The following CCNQ variants were observed in gnomAD, a reference collection of about 807,000 sequenced individuals.
The protein encoded by CCNQ is cyclin-Q.
In CCNQ, 3 loss-of-function variants were observed where a neutral mutation model predicts 17.7. The ratio of observed to expected loss-of-function variants is 0.17; its 90% CI spans 0.08 to 0.44. The LOEUF is 0.44. Among genes scored for constraint, CCNQ ranks in the 20% least tolerant of loss-of-function variants. The pLI is 0.99. For missense variants in CCNQ, 146 were observed against 222.6 expected (o/e 0.66, Z 2.19); for synonymous variants, 73 against 96.0 (o/e 0.76, Z 1.40).
chrX:153,594,461 G>A (rs2091013374), intron 3 of CCNQ, 86 bp downstream of exon 3: 9 of 1,091,826 alleles, frequency 8.2e-6, no homozygotes, highest in South Asian at 3.7e-5. Context: ...GTGCTCTCGA[G>A]TATGAGATGG....
rs782110773 is a variant in CCNQ at position 153,588,329 on chromosome X, C to A, written c.*36G>T. 5.3e-5 allele frequency: 60 copies of A among 1,138,508 alleles called. No homozygotes were observed. The highest frequency in any genetic ancestry group is 8.7e-5 in the Admixed American group (4 of 45,957). The allele number at this position is 1,138,508 out of a possible 1,213,427, so 93.8% of individuals were successfully genotyped here. On this transcript the variant is annotated 3_prime_UTR_variant, in exon 5 of 5. Transcript: ENST00000576892. Reference sequence around the variant, plus strand: ...ACAATGTCCCCAGGCAGCCGACCATCCTGGGCTTCTCTTTGGGCAGGCCTG... The same window carrying A: ...ACAATGTCCCCAGGCAGCCGACCATACTGGGCTTCTCTTTGGGCAGGCCTG...
rs1187785438 is a variant in CCNQ, at chrX:153,599,090, G to T, written c.-17C>A. On this transcript the variant is annotated 5_prime_UTR_variant, in exon 1 of 5. Transcript: ENST00000576892. Reference sequence around the variant, plus strand: ...GGCTTCCATGAGGCGCCGCGGCACCGGCGGAAGGAGAGGCGGCCCCGGCGC... The same window carrying T: ...GGCTTCCATGAGGCGCCGCGGCACCTGCGGAAGGAGAGGCGGCCCCGGCGC... The T allele has an allele frequency of 1.9e-5, 17 of 916,160 alleles. No individual in the cohort carries two copies. Among genetic ancestry groups the T allele is most frequent in the African/African-American group, 2.1e-5 (1 of 47,450 alleles). The allele number at this position is 916,160 out of a possible 1,213,427, so 75.5% of individuals were successfully genotyped here.
At chrX:153,594,109 T>C (rs1263713707) in intron 3 of CCNQ, among the ~76,000 whole-genome samples, 2 of 112,969 alleles carry the variant, frequency 1.8e-5, no homozygotes, top group East Asian at 5.6e-4. Context: ...CTCAAGCGAT[T>C]TGGCTTTCCC....
Position 153,599,139 on chromosome X carries a change from T to C in CCNQ, c.-66A>G. The C allele has an allele frequency of 1.9e-6, 1 of 531,610 alleles. No individual in the cohort carries two copies. Among genetic ancestry groups the C allele is most frequent in the Non-Finnish European group, 2.3e-6 (1 of 426,749 alleles). 43.8% of individuals were successfully genotyped at this position (531,610 alleles called of 1,213,427 possible). A position where few individuals can be genotyped will look rare whatever the true frequency, so the allele number is the denominator to read the frequency against. ...GCGCAGAAGCCGGCAGAACTGGAGG[T>C]GCTCGCGGCGGGCGCTGCCGCCCCA... is the stretch of plus-strand genomic sequence containing the variant. On this transcript the variant is annotated 5_prime_UTR_variant, in exon 1 of 5. Transcript: ENST00000576892.
At chrX:153,594,462 T>C in intron 3 of CCNQ, 85 bp downstream of exon 3, 1 of 1,093,462 alleles carries the variant, frequency 9.1e-7, no homozygotes, top group Non-Finnish European at 1.3e-6. Context: ...TGCTCTCGAG[T>C]ATGAGATGGG....
At chrX:153,591,605 C>G (rs371990262) in intron 4 of CCNQ, among the ~76,000 whole-genome samples, 4 of 111,324 alleles carry the variant, frequency 3.6e-5, no homozygotes, top group East Asian at 2.8e-4. Flanking sequence ...TGTTTGCCCC[C>G]CCCAGAGTCC....
rs112704659 is a variant in CCNQ at position 153,598,942 on chromosome X, C to T, written c.112+20G>A. 9.1e-7 allele frequency: 1 copy of T among 1,099,917 alleles called. No homozygotes were observed. The highest frequency in any genetic ancestry group is 1.2e-6 in the Non-Finnish European group (1 of 832,388). 90.6% of individuals were successfully genotyped at this position (1,099,917 alleles called of 1,213,427 possible). ...CGGGCCGCGGCGCCGCCTGTCCTGGCCTCCCCCGGCCGCGGTTACCTGCCT... is the reference window on the plus strand; with the variant it reads ...CGGGCCGCGGCGCCGCCTGTCCTGGTCTCCCCCGGCCGCGGTTACCTGCCT... On this transcript the variant is annotated intron_variant, in intron 1 of 4. Coordinates refer to ENST00000576892, the MANE Select transcript of CCNQ (RefSeq NM_152274.5).
chrX:153,590,160 G>T (rs1557025434), intron 4 of CCNQ, among the ~76,000 whole-genome samples: 1 of 102,636 alleles, frequency 9.7e-6, no homozygotes, highest in Non-Finnish European at 2.0e-5. Flanking sequence ...CCAAGGAGGT[G>T]GAGGCTGTAG....
chrX:153,589,999 G>A (rs782204411), intron 4 of CCNQ, among the ~76,000 whole-genome samples: 37 of 110,228 alleles, frequency 3.4e-4, no homozygotes, highest in Admixed American at 2.9e-3. Context: ...AGGCCGAGGC[G>A]GGTGGATCAC....
intron 4 of CCNQ, among the ~76,000 whole-genome samples, chrX:153,589,107 C>T (rs1432886779): frequency 8.9e-6 from 1 of 112,802 alleles, no homozygotes; most frequent in Non-Finnish European, 1.9e-5. Flanking sequence ...CCCGTGTGAG[C>T]GTCTTGGTTT....
At chrX:153,596,801 T>C (rs2091031771) in intron 1 of CCNQ, among the ~76,000 whole-genome samples, 1 of 112,188 alleles carries the variant, frequency 8.9e-6, no homozygotes, top group African/African-American at 3.2e-5. Flanking sequence ...GCAATGTTTA[T>C]GGCCACAGCC....
rs1251933826 is a variant in CCNQ, at chrX:153,588,274, G to A, written c.*91C>T. The A allele has an allele frequency of 1.4e-6, 1 of 734,752 alleles. No individual in the cohort carries two copies. The highest frequency in any genetic ancestry group is 2.2e-6 in the Non-Finnish European group (1 of 459,808). The allele number at this position is 734,752 out of a possible 1,213,427, so 60.6% of individuals were successfully genotyped here. A position where few individuals can be genotyped will look rare whatever the true frequency, so the allele number is the denominator to read the frequency against. Reference sequence around the variant, plus strand: ...ACAACCAGTCCTCCCAGCTGGTCCTGTGGGGACCAGCCGTCATGGCGACGT... The same window carrying A: ...ACAACCAGTCCTCCCAGCTGGTCCTATGGGGACCAGCCGTCATGGCGACGT... On this transcript the variant is annotated 3_prime_UTR_variant, in exon 5 of 5. Transcript: ENST00000576892.
chrX:153,594,077 G>C (rs782398442), intron 3 of CCNQ, among the ~76,000 whole-genome samples: 2 of 112,848 alleles, frequency 1.8e-5, no homozygotes, highest in Non-Finnish European at 3.8e-5. Context: ...CACATTCCTA[G>C]AAGTTAAAGC....
At chrX:153,596,487 C>T (rs2091029393) in intron 1 of CCNQ, among the ~76,000 whole-genome samples, 1 of 112,428 alleles carries the variant, frequency 8.9e-6, no homozygotes, top group African/African-American at 3.2e-5. Flanking sequence ...CTATAGACCA[C>T]GCTCTGGGAA....
rs1157134968 is a variant in CCNQ at position 153,588,113 on chromosome X, C to A, written c.*252G>T. 1.0e-5 allele frequency: 5 copies of A among 486,171 alleles called. No homozygotes were observed. In the African/African-American group the frequency reaches 1.2e-4, roughly 11 times the overall value. The allele number at this position is 486,171 out of a possible 1,213,427, so 40.1% of individuals were successfully genotyped here. ...CAAAGGACAAACGCAGATGTGGCTG[C>A]CTTGGGTCAGCTGCACACAGTACAC... On this transcript the variant is annotated 3_prime_UTR_variant, in exon 5 of 5. Transcript: ENST00000576892.
intron 1 of CCNQ, 89 bp from the exon 2 acceptor site, chrX:153,596,276 G>A (rs2091028029): frequency 1.0e-6 from 1 of 980,150 alleles, no homozygotes; most frequent in Non-Finnish European, 1.5e-6. Context: ...GGCCCTAGCA[G>A]GTACAACCCT....
chrX:153,594,555 G>C lies in CCNQ; in HGVS notation c.421C>G (p.Pro141Ala), dbSNP rs1557026545. Residue 141 changes from proline to alanine, a missense_variant, in exon 3 of 5, where the codon CCA (proline) becomes GCA (alanine). Transcript: ENST00000576892. ...VLRFQVSFQH[P>A]HKYLLHYLVS... ...AGTTCCCCAGTATGTACCTTGTGTG[G>C]ATGCTGGAAGGAGACCTGGAAGCGC... The C allele has an allele frequency of 8.3e-7, 1 of 1,210,714 alleles. No individual in the cohort carries two copies. Among genetic ancestry groups the C allele is most frequent in the Non-Finnish European group, 1.1e-6 (1 of 895,368 alleles).
intron 4 of CCNQ, among the ~76,000 whole-genome samples, chrX:153,588,701 C>T: frequency 8.9e-6 from 1 of 112,572 alleles, no homozygotes; most frequent in Non-Finnish European, 1.9e-5. Context: ...GAGGAGGGGA[C>T]CTGTCCAACG....
chrX:153,588,966 G>A (rs1603150897), intron 4 of CCNQ, among the ~76,000 whole-genome samples: 1 of 113,236 alleles, frequency 8.8e-6, no homozygotes, highest in Admixed American at 9.2e-5. Context: ...ACATCCTCGG[G>A]GCCCATGGCA....
Sources: allele counts gnomAD v4.1 joint callset (sites outside exome capture counted in the v4.1 genomes callset), GRCh38; gene constraint gnomAD v4.1.1; transcripts MANE v1.5; gene names NCBI Gene and HGNC (gene_info 2026-07-23, HGNC 2026-07-21).